TMEM272: variants seen among roughly 807,000 people sequenced by gnomAD.
The protein encoded by TMEM272 is transmembrane protein 272.
TMEM272 carries 8 observed loss-of-function variants against 3.7 expected under a neutral mutation model. The observed-to-expected ratio is 2.17, with a 90% CI of 1.27 to 3.91. The LOEUF (loss-of-function observed/expected upper bound fraction) is 3.91, where lower values mean the gene tolerates loss of function less well. Ranked by LOEUF, TMEM272 falls within the 30% of genes most tolerant of loss-of-function variation. The probability of loss-of-function intolerance (pLI) is 0.00; values close to 1 mark genes in which losing one functional copy is unlikely to be tolerated. For synonymous variants in TMEM272, 63 were observed against 39.8 expected, an observed-to-expected ratio of 1.58 and a Z score of -2.20; for missense variants, 166 against 91.5, an observed-to-expected ratio of 1.81 and a Z score of -3.32.
intron 2 of TMEM272, among the ~76,000 whole-genome samples, chr13:51,826,851 G>T (rs572872378): frequency 1.3e-5 from 2 of 152,142 alleles, no homozygotes; most frequent in Non-Finnish European, 2.9e-5. Flanking sequence ...TCACTTTGCC[G>T]ATGCCAAGGC....
chr13:51,828,868 T>A (rs1025024037), intron 2 of TMEM272, among the ~76,000 whole-genome samples: 12 of 152,216 alleles, frequency 7.9e-5, no homozygotes, highest in Admixed American at 2.0e-4. Flanking sequence ...CTGACAGTCC[T>A]GAAAAGATTT....
chr13:51,866,364 T>C, the TMEM272 span: 1 of 323,186 alleles, frequency 3.1e-6, no homozygotes, highest in Non-Finnish European at 5.8e-6. Context: ...TGTTTGGAAG[T>C]GGAGACGCTT....
At chr13:51,911,180 G>C in the TMEM272 span, among the ~76,000 whole-genome samples, 12 of 152,288 alleles carry the variant, frequency 7.9e-5, no homozygotes, top group Non-Finnish European at 5.9e-5. Context: ...ATGGTAAATT[G>C]TGATAAGTAA....
the TMEM272 span, among the ~76,000 whole-genome samples, chr13:51,857,931 T>C: frequency 1.3e-5 from 2 of 152,058 alleles, no homozygotes; most frequent in African/African-American, 4.8e-5. Context: ...AGATACACCA[T>C]GCAAACACTA....
the TMEM272 span, among the ~76,000 whole-genome samples, chr13:51,876,551 T>C: frequency 6.6e-6 from 1 of 152,236 alleles, no homozygotes; most frequent in East Asian, 1.9e-4. Context: ...TTATTCACTT[T>C]TGTTAAATTT....
chr13:51,887,291 G>C, the TMEM272 span, among the ~76,000 whole-genome samples: 5 of 152,066 alleles, frequency 3.3e-5, no homozygotes, highest in African/African-American at 7.2e-5. Context: ...TAACTGACTA[G>C]CCTGGACAAC....
At chr13:51,925,825 C>A in the TMEM272 span, among the ~76,000 whole-genome samples, 1 of 151,930 alleles carries the variant, frequency 6.6e-6, no homozygotes, top group African/African-American at 2.4e-5. Flanking sequence ...AAGCTGAGAC[C>A]GGACATGATT....
chr13:51,824,053 T>G (rs1010812912), intron 3 of TMEM272, among the ~76,000 whole-genome samples: 17 of 152,210 alleles, frequency 1.1e-4, no homozygotes, highest in African/African-American at 4.1e-4. Flanking sequence ...GCCTTTCAAT[T>G]CAAAAGCCAG....
At chr13:51,873,088 G>A in the TMEM272 span, among the ~76,000 whole-genome samples, 1 of 152,228 alleles carries the variant, frequency 6.6e-6, no homozygotes, top group Non-Finnish European at 1.5e-5. Flanking sequence ...GGAGCAGTCG[G>A]AAGTCATTAA....
chr13:51,865,937 G>C, the TMEM272 span: 1 of 1,614,084 alleles, frequency 6.2e-7, no homozygotes. Context: ...CCTCTGGGAG[G>C]AAGAGAATGC....
chr13:51,834,354 C>T (rs975073061), intron 2 of TMEM272, among the ~76,000 whole-genome samples: 1 of 152,118 alleles, frequency 6.6e-6, no homozygotes, highest in African/African-American at 2.4e-5. Context: ...CCCCAGACCC[C>T]CAAAAGAGGA....
chr13:51,909,235 C>T, the TMEM272 span: 3 of 1,211,430 alleles, frequency 2.5e-6, no homozygotes, highest in Non-Finnish European at 3.7e-6. Flanking sequence ...GTCCATGCTG[C>T]CAAACAATTA....
rs1955989567 is a variant in TMEM272, at chr13:51,813,726, A to G, written c.*3025T>C. 1 of 158,266 alleles carries G rather than the reference A, an allele frequency of 6.3e-6. No homozygotes were observed. Among genetic ancestry groups the G allele is most frequent in the Admixed American group, 6.5e-5 (1 of 15,444 alleles). The allele number at this position is 158,266 out of a possible 1,614,324, so 9.8% of individuals were successfully genotyped here. A position where few individuals can be genotyped will look rare whatever the true frequency, so the allele number is the denominator to read the frequency against. The stretch of plus-strand genomic sequence containing the variant: ...ACCACTAGTGTGGCTGACTCCAGTG[A>G]AACAGTCCCACTTTTACTGCTTTCA... On this transcript the variant is annotated 3_prime_UTR_variant, in exon 5 of 5. Transcript: ENST00000629372.
intron 2 of TMEM272, among the ~76,000 whole-genome samples, chr13:51,835,678 C>T (rs1956210978): frequency 6.6e-6 from 1 of 152,242 alleles, no homozygotes. Context: ...GGTCTGGGAT[C>T]AGGCCAAGGA....
In TMEM272 at chr13:51,844,036, C is replaced by A. The variant is rs113959844; in HGVS notation, c.-24+980G>T. ...GACCAGAGATACTGAAAAACATCCT[C>A]CAAGGAGCAGGGCAGTCCCCAACAA... is the stretch of plus-strand genomic sequence containing the variant. On this transcript the variant is annotated intron_variant, in intron 1 of 4. Transcript: ENST00000629372. Among the ~76,000 whole-genome samples the A allele has an allele frequency of 6.0e-3, 917 of 152,192 alleles. 9 individuals carry two copies. Among genetic ancestry groups the A allele is most frequent in the African/African-American group, 0.021 (883 of 41,474 alleles).
At position 51,815,875 on chromosome 13, in the gene TMEM272, G is replaced by C. The variant is rs1448206727; in HGVS notation, c.*876C>G. On this transcript the variant is annotated 3_prime_UTR_variant, in exon 5 of 5. Transcript: ENST00000629372. ...TCATTAGGTTGAGGAGCTATTATTC[G>C]ATATTTAAGCTCAGAAACCAAAAAC... The C allele has an allele frequency of 6.6e-6, 1 of 152,170 alleles. No individual in the cohort carries two copies. Among genetic ancestry groups the C allele is most frequent in the Non-Finnish European group, 1.5e-5 (1 of 68,032 alleles). The allele number at this position is 152,170 out of a possible 1,614,324, so 9.4% of individuals were successfully genotyped here.
chr13:51,866,413 G>C, the TMEM272 span, among the ~76,000 whole-genome samples: 2 of 152,128 alleles, frequency 1.3e-5, no homozygotes, highest in African/African-American at 4.8e-5. Flanking sequence ...GGAGAGGCTC[G>C]GGCCATGCCA....
chr13:51,819,485 A>G (rs1219244666), intron 4 of TMEM272, among the ~76,000 whole-genome samples: 3 of 152,280 alleles, frequency 2.0e-5, no homozygotes, highest in Non-Finnish European at 1.5e-5. Context: ...CTTGGCTACA[A>G]TGATGCCAGG....
the TMEM272 span, among the ~76,000 whole-genome samples, chr13:51,870,188 A>T: frequency 1.3e-5 from 2 of 152,172 alleles, no homozygotes; most frequent in Non-Finnish European, 2.9e-5. Context: ...GGGATCTCAC[A>T]CTCAAACAGC....
Sources: gnomAD v4.1 joint callset for allele counts (sites outside exome capture counted in the v4.1 genomes callset) on GRCh38, gnomAD v4.1.1 for gene constraint, MANE v1.5 for transcripts, NCBI Gene and HGNC (gene_info 2026-07-23, HGNC 2026-07-21) for gene names.